PLCL1: variants seen among roughly 807,000 people sequenced by gnomAD.
PLCL1 encodes the protein phospholipase C like 1 (inactive).
PLCL1 carries 41 observed loss-of-function variants against 84.4 expected under a neutral mutation model. The ratio of observed to expected loss-of-function variants is 0.49; its 90% CI spans 0.38 to 0.63. The LOEUF is 0.63. Among genes scored for constraint, PLCL1 ranks in the 30% least tolerant of loss-of-function variants. The probability of loss-of-function intolerance (pLI) is 0.00; values close to 1 mark genes in which losing one functional copy is unlikely to be tolerated. For missense variants in PLCL1, 1,206 were observed against 1,367.8 expected, an observed-to-expected ratio of 0.88 and a Z score of 1.87; for synonymous variants, 490 against 488.3, an observed-to-expected ratio of 1.00 and a Z score of -0.05.
At chr2:197,996,061 G>T (rs1164550454) in intron 1 of PLCL1, among the ~76,000 whole-genome samples, 1 of 152,128 alleles carries the variant, frequency 6.6e-6, no homozygotes. Context: ...ACATCATGTT[G>T]TGTGAAGAGA....
intron 1 of PLCL1, among the ~76,000 whole-genome samples, chr2:198,024,305 G>T (rs1691210418): frequency 1.3e-5 from 2 of 152,044 alleles, no homozygotes; most frequent in Admixed American, 6.6e-5. Flanking sequence ...TGGATGACGG[G>T]TTGATGGGTG....
At chr2:198,039,205 A>G (rs1474848353) in intron 1 of PLCL1, among the ~76,000 whole-genome samples, 1 of 152,146 alleles carries the variant, frequency 6.6e-6, no homozygotes, top group Non-Finnish European at 1.5e-5. Flanking sequence ...CAAGAAGAGT[A>G]GTTGGCATGG....
intron 1 of PLCL1, among the ~76,000 whole-genome samples, chr2:197,887,330 A>G (rs2105721708): frequency 6.6e-6 from 1 of 152,312 alleles, no homozygotes; most frequent in East Asian, 1.9e-4. Context: ...AGTTGTCTTC[A>G]GTATTTTGCT....
chr2:198,066,760 C>T (rs775461198), intron 1 of PLCL1, among the ~76,000 whole-genome samples: 13 of 152,184 alleles, frequency 8.5e-5, no homozygotes, highest in South Asian at 4.1e-4. Context: ...GTGGAGTCTC[C>T]TCAGGATCTT....
chr2:197,953,851 GTT>G (rs57247809), intron 1 of PLCL1, among the ~76,000 whole-genome samples: 1 of 146,402 alleles, frequency 6.8e-6, no homozygotes, highest in Non-Finnish European at 1.5e-5. Flanking sequence ...GTATTCCAGA[GTT>G]TTTTTTTTTT....
chr2:198,120,379 A>G (rs1188275531), intron 5 of PLCL1, among the ~76,000 whole-genome samples: 2 of 152,014 alleles, frequency 1.3e-5, no homozygotes, highest in South Asian at 2.1e-4. Flanking sequence ...ATTATTGACT[A>G]TAGTCACTCT....
chr2:197,886,040 T>C (rs897347799), intron 1 of PLCL1, among the ~76,000 whole-genome samples: 8 of 152,226 alleles, frequency 5.3e-5, no homozygotes, highest in African/African-American at 7.2e-5. Flanking sequence ...CAGTTCTTTT[T>C]AACTTCCTTT....
intron 1 of PLCL1, among the ~76,000 whole-genome samples, chr2:197,834,945 T>C (rs1243051115): frequency 6.6e-6 from 1 of 152,240 alleles, no homozygotes; most frequent in Non-Finnish European, 1.5e-5. Flanking sequence ...GTGGCACATG[T>C]ATACCATGGA....
chr2:198,134,187 G>T (rs566703430), intron 5 of PLCL1, among the ~76,000 whole-genome samples: 1 of 145,920 alleles, frequency 6.9e-6, no homozygotes, highest in Non-Finnish European at 1.5e-5. Flanking sequence ...GGTGTAGATG[G>T]CTTGAGTCTG....
At chr2:197,846,469 A>G (rs1435055553) in intron 1 of PLCL1, among the ~76,000 whole-genome samples, 1 of 152,166 alleles carries the variant, frequency 6.6e-6, no homozygotes, top group Non-Finnish European at 1.5e-5. Flanking sequence ...CAGAAGGCAA[A>G]TCACCAGGAA....
At chr2:197,873,833 G>A (rs1208588190) in intron 1 of PLCL1, among the ~76,000 whole-genome samples, 1 of 152,104 alleles carries the variant, frequency 6.6e-6, no homozygotes, top group African/African-American at 2.4e-5. Context: ...CTTAAATTGC[G>A]ATGCAAAATA....
intron 1 of PLCL1, among the ~76,000 whole-genome samples, chr2:197,856,487 A>G (rs1489332748): frequency 6.6e-6 from 1 of 152,230 alleles, no homozygotes; most frequent in Non-Finnish European, 1.5e-5. Flanking sequence ...AACTTGAAAA[A>G]AATCAGAAAA....
At chr2:197,966,489 GT>G (rs1246199953) in intron 1 of PLCL1, among the ~76,000 whole-genome samples, 1 of 152,144 alleles carries the variant, frequency 6.6e-6, no homozygotes, top group East Asian at 1.9e-4. Context: ...CCTCCATTGA[GT>G]TTTGCCTGTA....
chr2:198,003,451 A>G (rs1574238793), intron 1 of PLCL1, among the ~76,000 whole-genome samples: 1 of 152,318 alleles, frequency 6.6e-6, no homozygotes, highest in Admixed American at 6.5e-5. Flanking sequence ...GACCTGTCAC[A>G]TCTTGGAATT....
intron 1 of PLCL1, among the ~76,000 whole-genome samples, chr2:198,015,758 C>A (rs773531831): frequency 2.6e-5 from 4 of 151,858 alleles, no homozygotes; most frequent in Non-Finnish European, 4.4e-5. Flanking sequence ...TGGTGGTAAC[C>A]TACTCCAAAT....
chr2:198,083,626 T>G lies in PLCL1; in HGVS notation c.241-132T>G, dbSNP rs142930755. Reference sequence around the variant, plus strand: ...TTTCTCTTTTCTGAAACAGTGAAAATGTAAACTTTAGGGTAGCCTCTGTTC... The same window carrying G: ...TTTCTCTTTTCTGAAACAGTGAAAAGGTAAACTTTAGGGTAGCCTCTGTTC... On this transcript the variant is annotated intron_variant, in intron 1 of 5. Coordinates refer to ENST00000428675, the MANE Select transcript of PLCL1 (RefSeq NM_006226.4). 620 of 596,086 alleles carry G rather than the reference T, an allele frequency of 1.0e-3. 14 individuals carry two copies. In the South Asian group the frequency reaches 0.012, roughly 11 times the overall value. The allele number at this position is 596,086 out of a possible 1,614,324, so 36.9% of individuals were successfully genotyped here. A position where few individuals can be genotyped will look rare whatever the true frequency, so the allele number is the denominator to read the frequency against.
At chr2:197,837,491 CTCAAGA>C (rs749998885) in intron 1 of PLCL1, among the ~76,000 whole-genome samples, 11 of 152,266 alleles carry the variant, frequency 7.2e-5, no homozygotes, top group Non-Finnish European at 1.5e-4. Flanking sequence ...AGAATTGCGC[CTCAAGA>C]TCAGCTGACT....
intron 5 of PLCL1, among the ~76,000 whole-genome samples, chr2:198,120,997 G>C (rs1055931142): frequency 1.3e-5 from 2 of 151,794 alleles, no homozygotes; most frequent in Non-Finnish European, 2.9e-5. Flanking sequence ...CCTGTCTTTT[G>C]GATATAAGTC....
chr2:197,987,376 T>C (rs1690239800), intron 1 of PLCL1, among the ~76,000 whole-genome samples: 1 of 152,240 alleles, frequency 6.6e-6, no homozygotes, highest in Non-Finnish European at 1.5e-5. Context: ...CCCACATTCA[T>C]GCATGGCAGT....
Sources: allele counts gnomAD v4.1 joint callset (sites outside exome capture counted in the v4.1 genomes callset), GRCh38; gene constraint gnomAD v4.1.1; transcripts MANE v1.5; gene names NCBI Gene and HGNC (gene_info 2026-07-23, HGNC 2026-07-21).